The following TASP1 variants were observed in gnomAD, a reference collection of about 807,000 sequenced individuals.
TASP1 encodes threonine aspartase 1.
Under a neutral mutation model 56.6 loss-of-function variants are expected in TASP1, and 16 were observed. That is an observed-to-expected ratio of 0.28 (90% CI 0.19 to 0.43). The LOEUF (loss-of-function observed/expected upper bound fraction) is 0.43, where lower values mean the gene tolerates loss of function less well. Ranked by LOEUF, TASP1 falls within the 20% of genes least tolerant of loss-of-function variation. The probability of loss-of-function intolerance (pLI) is 1.00; values close to 1 mark genes in which losing one functional copy is unlikely to be tolerated. For synonymous variants in TASP1, 179 were observed against 184.2 expected (o/e 0.97, Z 0.23); for missense variants, 393 against 511.6 (o/e 0.77, Z 2.24).
the TASP1 span, among the ~76,000 whole-genome samples, chr20:13,121,110 C>A: frequency 6.6e-6 from 1 of 152,180 alleles, no homozygotes; most frequent in Non-Finnish European, 1.5e-5. Flanking sequence ...GTGGTCAATG[C>A]CGAAGACCCC....
At chr20:13,225,096 G>A in the TASP1 span, among the ~76,000 whole-genome samples, 114 of 150,456 alleles carry the variant, frequency 7.6e-4, no homozygotes, top group African/African-American at 2.1e-3. Flanking sequence ...CTCATGATCC[G>A]CCCGCCTTGG....
the TASP1 span, among the ~76,000 whole-genome samples, chr20:13,183,845 T>C: frequency 2.6e-5 from 4 of 151,684 alleles, no homozygotes; most frequent in African/African-American, 4.8e-5. Context: ...CTGGCTAACA[T>C]GGTGAAACGC....
At chr20:13,552,760 A>T (rs2046021643) in intron 8 of TASP1, among the ~76,000 whole-genome samples, 1 of 152,228 alleles carries the variant, frequency 6.6e-6, no homozygotes, top group South Asian at 2.1e-4. Flanking sequence ...CATGCTGAGG[A>T]GGCAAGTACT....
chr20:13,307,419 G>C, the TASP1 span, among the ~76,000 whole-genome samples: 1 of 152,030 alleles, frequency 6.6e-6, no homozygotes, highest in South Asian at 2.1e-4. Flanking sequence ...AGAATATAAG[G>C]CTCATGAAGG....
At chr20:13,243,065 C>A in the TASP1 span, among the ~76,000 whole-genome samples, 4 of 152,162 alleles carry the variant, frequency 2.6e-5, no homozygotes, top group Non-Finnish European at 4.4e-5. Context: ...TGAACTTTGG[C>A]TGTCTGGACA....
the TASP1 span, among the ~76,000 whole-genome samples, chr20:13,127,394 C>G: frequency 6.6e-6 from 1 of 152,220 alleles, no homozygotes; most frequent in African/African-American, 2.4e-5. Context: ...GCCAGGCAAA[C>G]TGGTGAGCAC....
chr20:13,510,375 T>C (rs538772307), intron 10 of TASP1, among the ~76,000 whole-genome samples: 10 of 152,124 alleles, frequency 6.6e-5, no homozygotes, highest in Non-Finnish European at 1.5e-4. Context: ...ATAAACAATA[T>C]GAAAAAGGCC....
At chr20:13,260,368 T>G in the TASP1 span, among the ~76,000 whole-genome samples, 1 of 152,172 alleles carries the variant, frequency 6.6e-6, no homozygotes, top group Non-Finnish European at 1.5e-5. Flanking sequence ...AAACTGGCAA[T>G]GAAGCTATTA....
At chr20:13,288,642 C>T in the TASP1 span, 1 of 1,613,914 alleles carries the variant, frequency 6.2e-7, no homozygotes, top group African/African-American at 1.3e-5. Context: ...TACGCGTGCA[C>T]TGCAACAGAA....
intron 10 of TASP1, among the ~76,000 whole-genome samples, chr20:13,510,609 T>C (rs1319918178): frequency 6.6e-6 from 1 of 152,182 alleles, no homozygotes; most frequent in Admixed American, 6.5e-5. Context: ...TCTATAACTT[T>C]TCTAGTAAAA....
chr20:13,361,906 A>G, the TASP1 span, among the ~76,000 whole-genome samples: 3,567 of 152,214 alleles, frequency 0.023, 66 homozygotes, highest in Middle Eastern at 0.058. Context: ...ATCCTGAGTC[A>G]TCCCAGTTCT....
chr20:13,504,341 T>C (rs1173438703), intron 10 of TASP1, among the ~76,000 whole-genome samples: 1 of 151,786 alleles, frequency 6.6e-6, no homozygotes, highest in African/African-American at 2.4e-5. Context: ...AACAAAATCC[T>C]GCCAACCGAG....
At chr20:13,199,846 G>A in the TASP1 span, among the ~76,000 whole-genome samples, 5 of 152,158 alleles carry the variant, frequency 3.3e-5, no homozygotes, top group African/African-American at 4.8e-5. Flanking sequence ...CAATTATTCT[G>A]TAGAGTCACT....
chr20:13,228,026 G>C, the TASP1 span, among the ~76,000 whole-genome samples: 1 of 145,424 alleles, frequency 6.9e-6, no homozygotes, highest in African/African-American at 2.6e-5. Flanking sequence ...GTCCAGGAGT[G>C]CAGTGGTGTG....
chr20:13,397,072 T>C (rs2041569025), intron 13 of TASP1, among the ~76,000 whole-genome samples: 1 of 152,212 alleles, frequency 6.6e-6, no homozygotes, highest in Non-Finnish European at 1.5e-5. Context: ...AAAAGCCCAG[T>C]GAAGATACTC....
At chr20:13,298,304 A>G in the TASP1 span, among the ~76,000 whole-genome samples, 2 of 151,928 alleles carry the variant, frequency 1.3e-5, no homozygotes, top group Admixed American at 1.3e-4. Context: ...ACGGGGTTTC[A>G]CCTTGTTGGC....
At chr20:13,156,403 G>A in the TASP1 span, among the ~76,000 whole-genome samples, 1 of 152,152 alleles carries the variant, frequency 6.6e-6, no homozygotes, top group Non-Finnish European at 1.5e-5. Flanking sequence ...TGCTATGAAC[G>A]ATATGCTTCA....
At chr20:13,400,407 T>C (rs1410717200) in intron 13 of TASP1, among the ~76,000 whole-genome samples, 1 of 152,164 alleles carries the variant, frequency 6.6e-6, no homozygotes, top group East Asian at 1.9e-4. Flanking sequence ...AATTTTACCA[T>C]GATATTCACA....
Position 13,534,289 on chromosome 20 carries a change from A to G in TASP1, c.676-148T>C, listed in dbSNP as rs2045333805. ...ATTGAGCAATCTCCTAAAATTATCT[A>G]TTATCAAGTTGCCATTTAAATCCTA... On this transcript the variant is annotated intron_variant, in intron 8 of 13. Coordinates refer to ENST00000337743, the MANE Select transcript of TASP1 (RefSeq NM_017714.3). 3.1e-6 allele frequency: 3 copies of G among 980,838 alleles called. No individual in the cohort carries two copies. The African/African-American group carries it at 4.9e-5, about 16-fold the overall frequency. 60.8% of individuals were successfully genotyped at this position (980,838 alleles called of 1,614,324 possible).
Sources: allele counts gnomAD v4.1 joint callset (sites outside exome capture counted in the v4.1 genomes callset), GRCh38; gene constraint gnomAD v4.1.1; transcripts MANE v1.5; gene names NCBI Gene and HGNC (gene_info 2026-07-23, HGNC 2026-07-21).